C9orf43: variants seen among roughly 807,000 people sequenced by gnomAD.
The protein encoded by C9orf43 is chromosome 9 open reading frame 43, also known as uncharacterized protein C9orf43.
Under a neutral mutation model 59.1 loss-of-function variants are expected in C9orf43, and 45 were observed. That is an observed-to-expected ratio of 0.76 (90% CI 0.60 to 0.98). The LOEUF is 0.98. C9orf43 is among the 50% of genes least tolerant of loss of function. The pLI is 0.00. For synonymous variants in C9orf43, 203 were observed against 196.8 expected, an observed-to-expected ratio of 1.03 and a Z score of -0.26; for missense variants, 533 against 554.9, an observed-to-expected ratio of 0.96 and a Z score of 0.40.
chr9:113,411,325 T>C (rs977117489), intron 1 of C9orf43, among the ~76,000 whole-genome samples: 10 of 151,196 alleles, frequency 6.6e-5, no homozygotes, highest in African/African-American at 2.4e-4. Context: ...TTTGAGACAG[T>C]CTCACTCTGT....
chr9:113,423,441 C>G lies in C9orf43; in HGVS notation c.599C>G (p.Ser200Ter), dbSNP rs1055337068. ...TPVQLSEQFS[S>*]DFLPLWAQSE... ...GTGCAATTGTCTGAACAATTCAGTT[C>G]AGATTTCCTACCTCTCTGGGCTCAA... The change falls in exon 7 of 14, where the codon TCA becomes TGA. Residue 200 changes from serine (S) to a stop codon, truncating the protein, a stop_gained. Coordinates refer to ENST00000374165, the MANE Select transcript of C9orf43 (RefSeq NM_001278629.2). LOFTEE classifies it high-confidence loss of function. The G allele has an allele frequency of 6.2e-7, 1 of 1,614,086 alleles. No homozygotes were observed. The highest frequency in any genetic ancestry group is 8.5e-7 in the Non-Finnish European group (1 of 1,179,982).
At chr9:113,420,872 A>T (rs1418064411) in intron 4 of C9orf43, 1 of 729,770 alleles carries the variant, frequency 1.4e-6, no homozygotes, top group Non-Finnish European at 1.7e-6. Context: ...CCCTAATGGC[A>T]CAGGGAAGCA....
At position 113,421,212 on chromosome 9, in the gene C9orf43, C is replaced by CCAG; in HGVS notation, c.446+9_446+10insCAG. 2 of 1,581,274 alleles carry CCAG rather than the reference C, an allele frequency of 1.3e-6. No homozygotes were observed. Among genetic ancestry groups the CCAG allele is most frequent in the Non-Finnish European group, 1.7e-6 (2 of 1,150,480 alleles). On this transcript the variant is annotated intron_variant, in intron 5 of 13. Coordinates refer to ENST00000374165, the MANE Select transcript of C9orf43 (RefSeq NM_001278629.2). ...ACAGAGATACATGTGAGGTGAGTATCATATCTGGAACTCAGAGGACTTTGA... is the reference window on the plus strand; with the variant it reads ...ACAGAGATACATGTGAGGTGAGTATCCAGATATCTGGAACTCAGAGGACTTTGA...
intron 1 of C9orf43, among the ~76,000 whole-genome samples, chr9:113,412,349 A>C (rs1828201465): frequency 6.6e-6 from 1 of 152,242 alleles, no homozygotes; most frequent in Non-Finnish European, 1.5e-5. Context: ...CAAAACAAGT[A>C]ATAGGCCAGG....
At chr9:113,424,868 C>G (rs911940998) in intron 8 of C9orf43, 151 bp from the exon 9 acceptor site, 1 of 646,394 alleles carries the variant, frequency 1.5e-6, no homozygotes, top group African/African-American at 1.8e-5. Flanking sequence ...ACACCTTTTC[C>G]CTTCCTCCGT....
At chr9:113,427,690 T>C (rs1359357549) in intron 11 of C9orf43, among the ~76,000 whole-genome samples, 1 of 152,190 alleles carries the variant, frequency 6.6e-6, no homozygotes, top group Non-Finnish European at 1.5e-5. Context: ...GCTTGGAAGA[T>C]GTTTGTTTAG....
chr9:113,413,076 G>T (rs938114467), intron 1 of C9orf43, among the ~76,000 whole-genome samples: 1 of 152,220 alleles, frequency 6.6e-6, no homozygotes, highest in Admixed American at 6.5e-5. Context: ...AGGAAAGGAT[G>T]CAAATATTTA....
At chr9:113,414,006 A>T in intron 3 of C9orf43, 112 bp downstream of exon 3, 2 of 1,209,326 alleles carry the variant, frequency 1.7e-6, no homozygotes. Context: ...GAAAATACCA[A>T]TTGGGTTAAA....
In C9orf43 at chr9:113,421,194, T is replaced by TA. The variant is rs1564406945; in HGVS notation, c.438dup (p.His147ThrfsTer50). On this transcript the variant is annotated frameshift_variant, in exon 5 of 14. Coordinates refer to ENST00000374165, the MANE Select transcript of C9orf43 (RefSeq NM_001278629.2). LOFTEE classifies it high-confidence loss of function. Reference sequence around the variant, plus strand: ...TTGTGGATCCCAGAAGAAACAGAGATACATGTGAGGTGAGTATCATATCTG... The same window carrying TA: ...TTGTGGATCCCAGAAGAAACAGAGATAACATGTGAGGTGAGTATCATATCTG... 1 of 1,607,840 alleles carries TA rather than the reference T, an allele frequency of 6.2e-7. No individual in the cohort carries two copies. Among genetic ancestry groups the TA allele is most frequent in the Non-Finnish European group, 8.5e-7 (1 of 1,174,536 alleles).
At chr9:113,418,807 C>T (rs950154460) in intron 3 of C9orf43, among the ~76,000 whole-genome samples, 9 of 152,122 alleles carry the variant, frequency 5.9e-5, no homozygotes, top group Admixed American at 3.9e-4. Flanking sequence ...CATCAAAGTA[C>T]TTAATATTAA....
At chr9:113,428,338 T>C in intron 12 of C9orf43, 115 bp downstream of exon 12, 1 of 1,030,514 alleles carries the variant, frequency 9.7e-7, no homozygotes, top group Non-Finnish European at 1.5e-6. Flanking sequence ...GTGGGTTGAC[T>C]GGACAGTTGT....
chr9:113,416,613 C>T (rs1374829807), intron 3 of C9orf43, among the ~76,000 whole-genome samples: 1 of 152,138 alleles, frequency 6.6e-6, no homozygotes, highest in Non-Finnish European at 1.5e-5. Flanking sequence ...TCATCTATGC[C>T]ACACCTCCCA....
chr9:113,418,731 A>C (rs1828465309), intron 3 of C9orf43, among the ~76,000 whole-genome samples: 1 of 152,242 alleles, frequency 6.6e-6, no homozygotes, highest in South Asian at 2.1e-4. Flanking sequence ...GACTTTTAAA[A>C]GCTGAATGAT....
chr9:113,426,709 C>A (rs920244412), intron 11 of C9orf43, among the ~76,000 whole-genome samples: 26 of 152,098 alleles, frequency 1.7e-4, no homozygotes, highest in Admixed American at 1.2e-3. Context: ...CCAAGGTTAA[C>A]ACTCCATCTA....
At position 113,428,137 on chromosome 9, in the gene C9orf43, T is replaced by C; in HGVS notation, c.1031-10T>C. The C allele has an allele frequency of 1.9e-6, 3 of 1,614,084 alleles. No homozygotes were observed. The highest frequency in any genetic ancestry group is 1.1e-5 in the South Asian group (1 of 91,084). On this transcript the variant is annotated splice_polypyrimidine_tract_variant and intron_variant, in intron 11 of 13. Coordinates refer to ENST00000374165, the MANE Select transcript of C9orf43 (RefSeq NM_001278629.2). The stretch of plus-strand genomic sequence containing the variant: ...TAAGAGGAAGATTGAATGGACTCTT[T>C]GGTTACTAGGTTACAGAACTCTGCC...
intron 12 of C9orf43, 30 bp downstream of exon 12, chr9:113,428,253 C>T (rs1457478141): frequency 6.3e-7 from 1 of 1,596,610 alleles, no homozygotes; most frequent in Non-Finnish European, 8.6e-7. Flanking sequence ...TCTGCTAGGA[C>T]CCAGTTTCAG....
At chr9:113,416,517 C>T (rs1043486167) in intron 3 of C9orf43, among the ~76,000 whole-genome samples, 3 of 152,160 alleles carry the variant, frequency 2.0e-5, no homozygotes, top group Non-Finnish European at 4.4e-5. Flanking sequence ...TAAGGCCCTA[C>T]GAGATCTGGC....
Position 113,413,503 on chromosome 9 carries a change from C to G in C9orf43, c.10C>G (p.Pro4Ala). The change falls in exon 2 of 14, where the codon CCA becomes GCA. Residue 4 changes from proline to alanine, a missense_variant. Coordinates refer to ENST00000374165, the MANE Select transcript of C9orf43 (RefSeq NM_001278629.2). ...TAAACCATTTCTAGCTATGGACTTG[C>G]CAGATGAGAGCCAGTGGGACGAAAC... MDLPDESQWDETTC... is the reference protein window; with the variant it reads MDLADESQWDETTC... 1.9e-6 allele frequency: 3 copies of G among 1,613,196 alleles called. No homozygotes were observed. The highest frequency in any genetic ancestry group is 2.5e-6 in the Non-Finnish European group (3 of 1,179,202).
chr9:113,423,595 G>A, intron 7 of C9orf43, 97 bp downstream of exon 7: 1 of 1,182,560 alleles, frequency 8.5e-7, no homozygotes, highest in Non-Finnish European at 1.2e-6. Flanking sequence ...GTAGGACTGG[G>A]AGAAAACTAT....
Sources: gnomAD v4.1 joint callset for allele counts (sites outside exome capture counted in the v4.1 genomes callset) on GRCh38, gnomAD v4.1.1 for gene constraint, MANE v1.5 for transcripts, NCBI Gene and HGNC (gene_info 2026-07-23, HGNC 2026-07-21) for gene names.